The following DOCK3 variants were observed in gnomAD, a reference collection of about 807,000 sequenced individuals.
The protein encoded by DOCK3 is dedicator of cytokinesis protein 3.
DOCK3 carries 60 observed loss-of-function variants against 265.6 expected under a neutral mutation model. The observed-to-expected ratio is 0.23, with a 90% CI of 0.18 to 0.28. DOCK3 has a LOEUF of 0.28. Among genes scored for constraint, DOCK3 ranks in the 10% least tolerant of loss-of-function variants. DOCK3 has a pLI of 1.00. For missense variants in DOCK3, 1,981 were observed against 2,594.3 expected, an observed-to-expected ratio of 0.76 and a Z score of 5.14; for synonymous variants, 881 against 938.0, an observed-to-expected ratio of 0.94 and a Z score of 1.11.
chr3:51,275,553 G>A (rs2080772627), intron 25 of DOCK3, among the ~76,000 whole-genome samples: 1 of 152,152 alleles, frequency 6.6e-6, no homozygotes, highest in Non-Finnish European at 1.5e-5. Context: ...AGCACAGGGA[G>A]GCAGACCCAG....
chr3:51,287,211 A>G lies in DOCK3; in HGVS notation c.2922+7007A>G, dbSNP rs1010124941. ...CAAACAAGCACATGAAAAAATGTTC[A>G]ACATCACTAATCACTGGAGAAATAC... On this transcript the variant is annotated intron_variant, in intron 27 of 52. Transcript: ENST00000266037. 4.6e-5 allele frequency among the ~76,000 whole-genome samples: 7 copies of G among 152,336 alleles called. No homozygotes were observed. The East Asian group carries it at 1.3e-3, about 29-fold the overall frequency.
At chr3:50,734,605 T>TTTTG (rs2038451233) in intron 1 of DOCK3, among the ~76,000 whole-genome samples, 1 of 139,766 alleles carries the variant, frequency 7.2e-6, no homozygotes, top group Non-Finnish European at 1.6e-5. Context: ...ACAGTGAGTT[T>TTTTG]TTTTTTTTTT....
At chr3:51,274,929 GCC>G (rs2080727860) in intron 24 of DOCK3, 148 bp from the exon 25 acceptor site, 1 of 836,882 alleles carries the variant, frequency 1.2e-6, no homozygotes, top group African/African-American at 1.7e-5. Context: ...GAGCTTTCAG[GCC>G]CTTGTAAGGT....
At position 51,160,588 on chromosome 3, in the gene DOCK3, C is replaced by T. The variant is rs1248287219; in HGVS notation, c.923C>T (p.Pro308Leu). Residue 308 changes from proline to leucine, a missense_variant, in exon 12 of 53, where the codon CCT (proline) becomes CTT (leucine). Coordinates refer to ENST00000266037, the MANE Select transcript of DOCK3 (RefSeq NM_004947.5). ...RMLLNDSKKG[P>L]PHLHYRRPYG... is the part of the protein sequence containing the mutation. ...CTCCTGAACGACTCAAAGAAAGGTC[C>T]TCCTCACCTGCACTACAGGCGACCA... is the stretch of plus-strand genomic sequence containing the variant. 6.2e-7 allele frequency: 1 copy of T among 1,612,586 alleles called. No homozygotes were observed. Among genetic ancestry groups the T allele is most frequent in the Admixed American group, 1.7e-5 (1 of 59,782 alleles).
chr3:51,355,434 ATTG>A (rs1158676885), intron 41 of DOCK3, among the ~76,000 whole-genome samples: 1 of 152,052 alleles, frequency 6.6e-6, no homozygotes, highest in Non-Finnish European at 1.5e-5. Context: ...CATGTGTACT[ATTG>A]TTGTCCCTTC....
chr3:50,928,265 G>A (rs1390790522), intron 4 of DOCK3, among the ~76,000 whole-genome samples: 5 of 151,278 alleles, frequency 3.3e-5, no homozygotes. Flanking sequence ...TTTCATTATC[G>A]CCAAAAGAAT....
intron 14 of DOCK3, among the ~76,000 whole-genome samples, chr3:51,222,204 T>C (rs988822770): frequency 6.6e-6 from 1 of 152,230 alleles, no homozygotes; most frequent in African/African-American, 2.4e-5. Context: ...CCTGCCCTCA[T>C]GCCTCTCTCT....
rs62257820 is a variant in DOCK3, at chr3:50,920,006, G to A, written c.219-13975G>A. 9.9e-5 allele frequency among the ~76,000 whole-genome samples: 15 copies of A among 152,208 alleles called. 1 individual carries two copies. The highest frequency in any genetic ancestry group is 6.2e-4 in the South Asian group (3 of 4,822). ...GGCCTTTTCTGCATCTATTGAGATAGTCATGTGGTTTTTGTCTTTGGTTCT... is the reference window on the plus strand; with the variant it reads ...GGCCTTTTCTGCATCTATTGAGATAATCATGTGGTTTTTGTCTTTGGTTCT... On this transcript the variant is annotated intron_variant, in intron 4 of 52. Coordinates refer to ENST00000266037, the MANE Select transcript of DOCK3 (RefSeq NM_004947.5).
intron 9 of DOCK3, among the ~76,000 whole-genome samples, chr3:51,128,011 A>T (rs551885994): frequency 6.6e-6 from 1 of 152,230 alleles, no homozygotes; most frequent in Admixed American, 6.5e-5. Context: ...CTCAACCAAC[A>T]CTGTAACTCC....
intron 38 of DOCK3, among the ~76,000 whole-genome samples, chr3:51,343,403 A>G (rs563664871): frequency 2.6e-5 from 4 of 152,188 alleles, no homozygotes; most frequent in African/African-American, 7.2e-5. Flanking sequence ...CAGTGAAACA[A>G]ATGTCCTCCA....
At chr3:51,340,816 T>A (rs2085187838) in intron 37 of DOCK3, among the ~76,000 whole-genome samples, 1 of 152,168 alleles carries the variant, frequency 6.6e-6, no homozygotes, top group Non-Finnish European at 1.5e-5. Flanking sequence ...TCAATTTAGG[T>A]TCCTTTGGTA....
intron 5 of DOCK3, among the ~76,000 whole-genome samples, chr3:51,040,759 A>G (rs2080449101): frequency 6.6e-6 from 1 of 152,166 alleles, no homozygotes; most frequent in Admixed American, 6.5e-5. Context: ...TTATAATTTC[A>G]ATAATGTTCA....
intron 5 of DOCK3, among the ~76,000 whole-genome samples, chr3:51,043,520 G>A (rs1424871704): frequency 1.3e-5 from 2 of 151,968 alleles, no homozygotes; most frequent in African/African-American, 4.8e-5. Flanking sequence ...CAGAATATAG[G>A]CACAGGCAAA....
intron 1 of DOCK3, among the ~76,000 whole-genome samples, chr3:50,696,211 G>C (rs1046131856): frequency 6.6e-6 from 1 of 152,210 alleles, no homozygotes; most frequent in Non-Finnish European, 1.5e-5. Context: ...ATAGGAAAGA[G>C]CTGTTTCCAG....
chr3:50,929,018 T>C (rs1269289697), intron 4 of DOCK3, among the ~76,000 whole-genome samples: 1 of 152,262 alleles, frequency 6.6e-6, no homozygotes, highest in Non-Finnish European at 1.5e-5. Context: ...GAGGATAGGC[T>C]AAGCTATGGA....
chr3:50,690,553 T>C (rs1488280781), intron 1 of DOCK3, among the ~76,000 whole-genome samples: 1 of 152,196 alleles, frequency 6.6e-6, no homozygotes, highest in Non-Finnish European at 1.5e-5. Context: ...ACCAGTTAAA[T>C]GAAAACTCTT....
At chr3:50,795,318 A>G (rs544807421) in intron 2 of DOCK3, among the ~76,000 whole-genome samples, 2 of 152,242 alleles carry the variant, frequency 1.3e-5, no homozygotes, top group South Asian at 2.1e-4. Flanking sequence ...ATCCTGATAT[A>G]TGTTTTTCAA....
chr3:50,938,216 A>G (rs1392064929), intron 5 of DOCK3, among the ~76,000 whole-genome samples: 1 of 152,156 alleles, frequency 6.6e-6, no homozygotes, highest in Non-Finnish European at 1.5e-5. Context: ...TGATAGAAGG[A>G]TCAGTTCACT....
chr3:51,330,231 G>T lies in DOCK3; in HGVS notation c.3488+8G>T, dbSNP rs754284936. The T allele has an allele frequency of 3.8e-6, 6 of 1,585,364 alleles. No individual in the cohort carries two copies. Among genetic ancestry groups the T allele is most frequent in the Non-Finnish European group, 5.1e-6 (6 of 1,165,632 alleles). Reference sequence around the variant, plus strand: ...GGAGCTCTTCAGCCTACTGTAAGCTGCTCCAGCCCCAGGCACACCACACTG... The same window carrying T: ...GGAGCTCTTCAGCCTACTGTAAGCTTCTCCAGCCCCAGGCACACCACACTG... On this transcript the variant is annotated splice_region_variant and intron_variant, in intron 33 of 52. Coordinates refer to ENST00000266037, the MANE Select transcript of DOCK3 (RefSeq NM_004947.5).
Sources: gnomAD v4.1 joint callset for allele counts (sites outside exome capture counted in the v4.1 genomes callset) on GRCh38, gnomAD v4.1.1 for gene constraint, MANE v1.5 for transcripts, NCBI Gene and HGNC (gene_info 2026-07-23, HGNC 2026-07-21) for gene names.